The following SEC23A variants were observed in gnomAD, a reference collection of about 807,000 sequenced individuals.
SEC23A encodes the protein SEC23 homolog A, COPII component.
In SEC23A, 56 loss-of-function variants were observed where a neutral mutation model predicts 103.7. The observed-to-expected ratio is 0.54, with a 90% CI of 0.44 to 0.67. The LOEUF (loss-of-function observed/expected upper bound fraction) is 0.67. Ranked by LOEUF, SEC23A falls within the 30% of genes least tolerant of loss-of-function variation. The probability of loss-of-function intolerance (pLI) is 0.00; values close to 1 mark genes in which losing one functional copy is unlikely to be tolerated. For synonymous variants in SEC23A, 281 were observed against 293.0 expected, an observed-to-expected ratio of 0.96 and a Z score of 0.42; for missense variants, 784 against 936.4, an observed-to-expected ratio of 0.84 and a Z score of 2.12.
At chr14:39,068,977 T>C (rs1441854368) in intron 9 of SEC23A, among the ~76,000 whole-genome samples, 5 of 152,316 alleles carry the variant, frequency 3.3e-5, no homozygotes, top group African/African-American at 1.2e-4. Context: ...TCTTGCCAAC[T>C]TCACATATTA....
At chr14:39,050,999 G>A (rs1037967549) in intron 14 of SEC23A, among the ~76,000 whole-genome samples, 3 of 152,102 alleles carry the variant, frequency 2.0e-5, no homozygotes, top group African/African-American at 7.2e-5. Flanking sequence ...TTCTTGTACT[G>A]ACAACTTCAC....
At chr14:39,041,086 T>A in intron 17 of SEC23A, 199 bp from the exon 18 acceptor site, 1 of 538,122 alleles carries the variant, frequency 1.9e-6, no homozygotes, top group Non-Finnish European at 2.9e-6. Context: ...TCTTCTCCTT[T>A]AAAAGTAAAA....
chr14:39,070,294 T>C (rs1376793864), intron 9 of SEC23A, among the ~76,000 whole-genome samples: 4 of 152,232 alleles, frequency 2.6e-5, no homozygotes, highest in African/African-American at 7.2e-5. Flanking sequence ...AGTGTTGACA[T>C]ATCTAATTGA....
intron 9 of SEC23A, among the ~76,000 whole-genome samples, chr14:39,072,757 T>A (rs796198384): frequency 1.9e-4 from 29 of 152,178 alleles, no homozygotes; most frequent in African/African-American, 6.5e-4. Flanking sequence ...GTGGCTACAG[T>A]GAGCTATGAC....
At chr14:39,074,645 G>T in intron 8 of SEC23A, 115 bp from the exon 9 acceptor site, 1 of 659,506 alleles carries the variant, frequency 1.5e-6, no homozygotes, top group Non-Finnish European at 2.7e-6. Context: ...TTTAAATTAT[G>T]ATTAGTTATT....
At chr14:39,082,815 G>A (rs1239004806) in intron 7 of SEC23A, among the ~76,000 whole-genome samples, 2 of 152,062 alleles carry the variant, frequency 1.3e-5, no homozygotes, top group Admixed American at 1.3e-4. Context: ...CAAATTACGA[G>A]AATACTTCAA....
intron 6 of SEC23A, among the ~76,000 whole-genome samples, chr14:39,086,364 C>A (rs905034973): frequency 2.0e-5 from 3 of 152,080 alleles, no homozygotes; most frequent in African/African-American, 7.2e-5. Context: ...GCTAGCAGGG[C>A]GCGGTGGCTC....
chr14:39,071,728 G>A (rs559858810), intron 9 of SEC23A, among the ~76,000 whole-genome samples: 35 of 151,800 alleles, frequency 2.3e-4, no homozygotes, highest in Middle Eastern at 3.4e-3. Context: ...TTAGTTGGGC[G>A]TGGTGGCAGG....
chr14:39,080,495 C>A (rs1594472116), intron 7 of SEC23A, among the ~76,000 whole-genome samples: 1 of 152,194 alleles, frequency 6.6e-6, no homozygotes, highest in African/African-American at 2.4e-5. Flanking sequence ...CAACCTCTGT[C>A]CACGGGTTCA....
At chr14:39,055,623 T>C (rs1886218864) in intron 13 of SEC23A, among the ~76,000 whole-genome samples, 1 of 151,942 alleles carries the variant, frequency 6.6e-6, no homozygotes, top group South Asian at 2.1e-4. Flanking sequence ...TAAAGAAAAA[T>C]AAAATTAAAC....
chr14:39,094,881 C>T (rs1248127713), intron 2 of SEC23A: 2 of 636,936 alleles, frequency 3.1e-6, no homozygotes, highest in African/African-American at 3.7e-5. Flanking sequence ...TATACAGAGG[C>T]TAGATCATAC....
At chr14:39,070,415 A>C (rs1466579048) in intron 9 of SEC23A, among the ~76,000 whole-genome samples, 1 of 152,192 alleles carries the variant, frequency 6.6e-6, no homozygotes, top group African/African-American at 2.4e-5. Flanking sequence ...ACACCAAACA[A>C]AAGAAAACTA....
intron 7 of SEC23A, among the ~76,000 whole-genome samples, chr14:39,080,093 A>T (rs1226533873): frequency 2.6e-5 from 4 of 152,170 alleles, no homozygotes; most frequent in East Asian, 1.9e-4. Flanking sequence ...TAAAACTATG[A>T]CACAAAGAAC....
rs911670349 is a variant in SEC23A, at chr14:39,047,471, A to G, written c.1737+1181T>C. 21 of 1,111,676 alleles carry G rather than the reference A, an allele frequency of 1.9e-5. No homozygotes were observed. In the African/African-American group the frequency reaches 3.1e-4, roughly 17 times the overall value. 68.9% of individuals were successfully genotyped at this position (1,111,676 alleles called of 1,614,324 possible). On this transcript the variant is annotated intron_variant, in intron 15 of 19. Coordinates refer to ENST00000307712, the MANE Select transcript of SEC23A (RefSeq NM_006364.4). ...CATGGAGTTTCTGGGTTATAGATCA[A>G]TCAGCAATAAAGGATCCTCAAAACA...
intron 13 of SEC23A, among the ~76,000 whole-genome samples, chr14:39,060,092 T>A (rs1032526399): frequency 6.8e-6 from 1 of 147,256 alleles, no homozygotes; most frequent in East Asian, 2.1e-4. Flanking sequence ...AAATTTAATG[T>A]GTGCACACAC....
chr14:39,102,269 T>A (rs1888129571), intron 1 of SEC23A, among the ~76,000 whole-genome samples: 1 of 152,188 alleles, frequency 6.6e-6, no homozygotes, highest in African/African-American at 2.4e-5. Context: ...GAAATGATGT[T>A]CATTCACTAC....
chr14:39,100,179 C>T (rs1888033730), intron 1 of SEC23A, among the ~76,000 whole-genome samples: 4 of 152,118 alleles, frequency 2.6e-5, no homozygotes, highest in Non-Finnish European at 5.9e-5. Context: ...TGCTAAATCA[C>T]ATCTATTATA....
intron 7 of SEC23A, among the ~76,000 whole-genome samples, chr14:39,084,181 C>T (rs1244241326): frequency 6.6e-6 from 1 of 151,446 alleles, no homozygotes; most frequent in Non-Finnish European, 1.5e-5. Flanking sequence ...GCCACCACGC[C>T]CGGCTAGTTT....
intron 14 of SEC23A, 88 bp from the exon 15 acceptor site, chr14:39,048,817 C>A (rs562043912): frequency 4.4e-5 from 32 of 735,134 alleles, no homozygotes; most frequent in African/African-American, 1.2e-4. Context: ...CAAGAAGTTA[C>A]CAATCATCAG....
Sources: allele counts gnomAD v4.1 joint callset (sites outside exome capture counted in the v4.1 genomes callset), GRCh38; gene constraint gnomAD v4.1.1; transcripts MANE v1.5; gene names NCBI Gene and HGNC (gene_info 2026-07-23, HGNC 2026-07-21).